The following PTPRD variants were observed in gnomAD, a reference collection of about 807,000 sequenced individuals.
PTPRD encodes protein tyrosine phosphatase receptor type D, also known as receptor-type tyrosine-protein phosphatase delta.
PTPRD carries 34 observed loss-of-function variants against 214.5 expected under a neutral mutation model. The observed-to-expected ratio is 0.16, with a 90% CI of 0.12 to 0.21. The LOEUF (loss-of-function observed/expected upper bound fraction) is 0.21. Ranked by LOEUF, PTPRD falls within the 10% of genes least tolerant of loss-of-function variation. The probability of loss-of-function intolerance (pLI) is 1.00; values close to 1 mark genes in which losing one functional copy is unlikely to be tolerated. For synonymous variants in PTPRD, 1,128 were observed against 845.7 expected (o/e 1.33, Z -5.79); for missense variants, 2,545 against 2,398.7 (o/e 1.06, Z -1.27).
chr9:8,695,306 G>A (rs1193932109), intron 12 of PTPRD, among the ~76,000 whole-genome samples: 1 of 152,132 alleles, frequency 6.6e-6, no homozygotes, highest in African/African-American at 2.4e-5. Context: ...ACATGGCCAT[G>A]TTTAAGTGCA....
In PTPRD at chr9:9,119,196, A is replaced by G. The variant is rs139164850; in HGVS notation, c.-143+64108T>C. Among the ~76,000 whole-genome samples the G allele has an allele frequency of 3.3e-3, 496 of 152,300 alleles. 3 individuals are homozygous for G. The highest frequency in any genetic ancestry group is 0.011 in the African/African-American group (472 of 41,568). On this transcript the variant is annotated intron_variant, in intron 10 of 45. Transcript: ENST00000381196. ...TGAGTTTATCTTATTATGACTCCTTATCATTTTATAGGTTTACCATGTTAG... is the reference window on the plus strand; with the variant it reads ...TGAGTTTATCTTATTATGACTCCTTGTCATTTTATAGGTTTACCATGTTAG...
chr9:8,589,656 A>G (rs1415333901), intron 14 of PTPRD, among the ~76,000 whole-genome samples: 1 of 152,190 alleles, frequency 6.6e-6, no homozygotes, highest in Non-Finnish European at 1.5e-5. Flanking sequence ...GTGAGTTCCC[A>G]GCAGGGGTTG....
chr9:10,543,473 T>TACACACACACACAC (rs1462198412), intron 2 of PTPRD, among the ~76,000 whole-genome samples: 13 of 54,406 alleles, frequency 2.4e-4, no homozygotes, highest in African/African-American at 6.6e-4. Flanking sequence ...GTTTAATATA[T>TACACACACACACAC]ATATATACAC....
chr9:8,543,877 AATTTTTCT>A (rs1458227258), intron 14 of PTPRD, among the ~76,000 whole-genome samples: 1 of 151,830 alleles, frequency 6.6e-6, no homozygotes, highest in Non-Finnish European at 1.5e-5. Context: ...ACACCCGGCT[AATTTTTCT>A]ATTTTTAGTA....
At position 8,486,040 on chromosome 9, in the gene PTPRD, T is replaced by C. The variant is rs1297632010; in HGVS notation, c.2777A>G (p.His926Arg). 2 of 1,614,114 alleles carry C rather than the reference T, an allele frequency of 1.2e-6. No individual in the cohort carries two copies. Among genetic ancestry groups the C allele is most frequent in the Non-Finnish European group, 8.5e-7 (1 of 1,180,016 alleles). The change falls in exon 28 of 46, where the codon CAC becomes CGC. Residue 926 changes from histidine (H) to arginine (R), a missense_variant. By Grantham distance (29) the His-to-Arg change is conservative. Transcript: ENST00000381196. ...EVPTGFPQNL[H>R]SEGTTSTSVQ... The stretch of plus-strand genomic sequence containing the variant: ...GGAGGTTGAAGTGGTGCCTTCTGAG[T>C]GAAGGTTTTGAGGGAATCCAGTTGG...
At chr9:8,795,438 G>C (rs1250064134) in intron 11 of PTPRD, among the ~76,000 whole-genome samples, 1 of 152,098 alleles carries the variant, frequency 6.6e-6, no homozygotes. Context: ...AAAGTGGTGG[G>C]ATTACAGGTG....
In PTPRD at chr9:9,994,805, T is replaced by C. The variant is rs1041106596; in HGVS notation, c.-472+38913A>G. On this transcript the variant is annotated intron_variant, in intron 4 of 45. Transcript: ENST00000381196. ...GAAGGCAAACAATAACTTTTTGTTT[T>C]ACTAATGATGAAAACTTCTTGCTTT... Among the ~76,000 whole-genome samples the C allele has an allele frequency of 2.0e-5, 3 of 152,152 alleles. 1 individual carries two copies. Among genetic ancestry groups the C allele is most frequent in the Non-Finnish European group, 4.4e-5 (3 of 68,008 alleles).
intron 11 of PTPRD, among the ~76,000 whole-genome samples, chr9:8,920,968 C>G (rs2098823531): frequency 6.6e-6 from 1 of 152,182 alleles, no homozygotes. Flanking sequence ...CGCACGCCCC[C>G]ACGCCAGGCT....
At chr9:8,915,902 C>T (rs148388437) in intron 11 of PTPRD, among the ~76,000 whole-genome samples, 13 of 152,270 alleles carry the variant, frequency 8.5e-5, no homozygotes, top group East Asian at 7.7e-4. Context: ...TCTGGGCATC[C>T]GGTGGCCCAG....
chr9:9,776,895 A>G (rs2098802661), intron 5 of PTPRD, among the ~76,000 whole-genome samples: 1 of 152,316 alleles, frequency 6.6e-6, no homozygotes, highest in South Asian at 2.1e-4. Context: ...TTTTACACAC[A>G]CATTTTCCAG....
chr9:9,468,836 G>A (rs927223934), intron 8 of PTPRD, among the ~76,000 whole-genome samples: 2 of 152,026 alleles, frequency 1.3e-5, no homozygotes, highest in African/African-American at 4.8e-5. Context: ...CACACTGACA[G>A]GTTTATTCTC....
chr9:9,729,712 C>A (rs1166626921), intron 7 of PTPRD, among the ~76,000 whole-genome samples: 1 of 151,870 alleles, frequency 6.6e-6, no homozygotes, highest in African/African-American at 2.4e-5. Context: ...CATGTCATAT[C>A]CTTTTTATAT....
At chr9:8,877,174 C>T (rs1369833002) in intron 11 of PTPRD, among the ~76,000 whole-genome samples, 1 of 152,140 alleles carries the variant, frequency 6.6e-6, no homozygotes, top group Non-Finnish European at 1.5e-5. Flanking sequence ...ATCCACCAGT[C>T]TCAGCCTCCC....
chr9:9,217,520 C>T (rs2099953091), intron 9 of PTPRD, among the ~76,000 whole-genome samples: 1 of 152,142 alleles, frequency 6.6e-6, no homozygotes, highest in African/African-American at 2.4e-5. Flanking sequence ...AGCATCCTCT[C>T]ATCTGGGAGT....
chr9:9,451,290 CA>C (rs921982916), intron 8 of PTPRD, among the ~76,000 whole-genome samples: 33 of 151,598 alleles, frequency 2.2e-4, no homozygotes, highest in African/African-American at 7.7e-4. Flanking sequence ...GAAATAAACA[CA>C]AGGCTATAGG....
intron 11 of PTPRD, among the ~76,000 whole-genome samples, chr9:8,741,739 C>T (rs1045482955): frequency 1.3e-5 from 2 of 151,686 alleles, no homozygotes; most frequent in Non-Finnish European, 2.9e-5. Context: ...TACAGGCACA[C>T]ATCACCATGC....
rs373363751 is a variant in PTPRD at position 8,557,779 on chromosome 9, TACAC to T, written c.353-29004_353-29001del. On this transcript the variant is annotated intron_variant, in intron 14 of 45. Transcript: ENST00000381196. The stretch of plus-strand genomic sequence containing the variant: ...AAAAAAAAAAAAAAGAAAAACAAAA[TACAC>T]ACACACACACACACACACACACACA... Among the ~76,000 whole-genome samples the T allele has an allele frequency of 2.6e-3, 271 of 103,886 alleles. 1 individual carries two copies. Among genetic ancestry groups the T allele is most frequent in the South Asian group, 6.2e-3 (20 of 3,242 alleles). 68.2% of individuals were successfully genotyped at this position (103,886 alleles called of 152,430 possible).
intron 2 of PTPRD, among the ~76,000 whole-genome samples, chr9:10,474,656 T>C (rs2099051537): frequency 6.6e-6 from 1 of 152,048 alleles, no homozygotes; most frequent in South Asian, 2.1e-4. Flanking sequence ...TGTATAGAAC[T>C]CTACACACCA....
intron 11 of PTPRD, among the ~76,000 whole-genome samples, chr9:8,936,925 T>G (rs1319004287): frequency 2.6e-5 from 4 of 152,216 alleles, no homozygotes; most frequent in Non-Finnish European, 5.9e-5. Context: ...GGATTTTACT[T>G]ACTAATCCAT....
Sources: allele counts gnomAD v4.1 joint callset (sites outside exome capture counted in the v4.1 genomes callset), GRCh38; gene constraint gnomAD v4.1.1; transcripts MANE v1.5; gene names NCBI Gene and HGNC (gene_info 2026-07-23, HGNC 2026-07-21).